The following JPH2 variants were observed in gnomAD, a reference collection of about 807,000 sequenced individuals.
JPH2 encodes the protein junctophilin-2.
JPH2 carries 38 observed loss-of-function variants against 55.9 expected under a neutral mutation model. The observed-to-expected ratio is 0.68, with a 90% CI of 0.52 to 0.89. The LOEUF is 0.89. Ranked by LOEUF, JPH2 falls within the 40% of genes least tolerant of loss-of-function variation. JPH2 has a pLI of 0.00. For synonymous variants in JPH2, 480 were observed against 472.4 expected (o/e 1.02, Z -0.21); for missense variants, 964 against 1,037.6 (o/e 0.93, Z 0.97).
intron 2 of JPH2, among the ~76,000 whole-genome samples, chr20:44,150,433 T>C (rs2072523703): frequency 6.6e-6 from 1 of 152,222 alleles, no homozygotes; most frequent in Non-Finnish European, 1.5e-5. Flanking sequence ...ATTGGAAGAC[T>C]TAAAATTGTT....
intron 2 of JPH2, among the ~76,000 whole-genome samples, chr20:44,148,212 T>G (rs749396401): frequency 6.6e-6 from 1 of 152,172 alleles, no homozygotes; most frequent in Non-Finnish European, 1.5e-5. Context: ...CCTCTCTATA[T>G]GCCTAAGTTA....
intron 2 of JPH2, among the ~76,000 whole-genome samples, chr20:44,148,890 C>T (rs946538489): frequency 7.2e-5 from 11 of 152,024 alleles, no homozygotes; most frequent in East Asian, 1.9e-4. Context: ...GGTGAAACCC[C>T]GTCTCTACTA....
chr20:44,177,869 G>C, intron 1 of JPH2: 1 of 1,611,106 alleles, frequency 6.2e-7, no homozygotes, highest in Non-Finnish European at 8.5e-7. Flanking sequence ...GGAAATACGG[G>C]AATATATATT....
chr20:44,186,871 C>G lies in JPH2; in HGVS notation c.-166G>C. 1 of 695,744 alleles carries G rather than the reference C, an allele frequency of 1.4e-6. No homozygotes were observed. The highest frequency in any genetic ancestry group is 1.9e-5 in the South Asian group (1 of 53,524). The allele number at this position is 695,744 out of a possible 1,614,324, so 43.1% of individuals were successfully genotyped here. ...CCAGCAGAGGCTGAAAGAGCCCCGG[C>G]GCCAAGTCAGCACCGGGTCGGCTAG... is the stretch of plus-strand genomic sequence containing the variant. On this transcript the variant is annotated 5_prime_UTR_variant, in exon 1 of 6. Coordinates refer to ENST00000372980, the MANE Select transcript of JPH2 (RefSeq NM_020433.5).
intron 2 of JPH2, among the ~76,000 whole-genome samples, chr20:44,156,035 CAA>C (rs753733872): frequency 4.0e-5 from 5 of 124,266 alleles, no homozygotes; most frequent in Admixed American, 8.1e-5. Context: ...GACCCTGCCT[CAA>C]AAAAAAAAAA....
intron 5 of JPH2, 49 bp downstream of exon 5, chr20:44,114,733 C>CCA: frequency 7.1e-7 from 1 of 1,408,968 alleles, no homozygotes; most frequent in Non-Finnish European, 9.9e-7. Context: ...GCTCAAAACT[C>CCA]CCCAGGGGCT....
chr20:44,145,528 C>T (rs1407604043), intron 2 of JPH2, among the ~76,000 whole-genome samples: 1 of 150,644 alleles, frequency 6.6e-6, no homozygotes, highest in Non-Finnish European at 1.5e-5. Context: ...CGCTTGAACG[C>T]GGGAGGAGGA....
intron 2 of JPH2, among the ~76,000 whole-genome samples, chr20:44,148,298 C>T (rs1600851182): frequency 1.3e-5 from 2 of 152,208 alleles, no homozygotes; most frequent in South Asian, 4.1e-4. Flanking sequence ...CATCCAATAG[C>T]GTTGGCCATT....
Position 44,160,434 on chromosome 20 carries a change from T to C in JPH2, c.380-27A>G. The C allele has an allele frequency of 6.2e-7, 1 of 1,603,448 alleles. No individual in the cohort carries two copies. Among genetic ancestry groups the C allele is most frequent in the Non-Finnish European group, 8.5e-7 (1 of 1,176,326 alleles). ...TGCGGGCGAGGAGAGGGCGCGTCAG[T>C]AGGCGGCACGACGGGTCCCCGCGTG... On this transcript the variant is annotated intron_variant, in intron 1 of 5. Coordinates refer to ENST00000372980, the MANE Select transcript of JPH2 (RefSeq NM_020433.5). This position sits in a 1 kb window ranked among gnomAD's most constrained non-coding sequence, Gnocchi z 4.9.
intron 2 of JPH2, among the ~76,000 whole-genome samples, chr20:44,133,607 G>A (rs571746902): frequency 2.0e-5 from 3 of 151,966 alleles, no homozygotes; most frequent in African/African-American, 4.8e-5. Context: ...CCCAGCAAGA[G>A]GCCAGAGAGG....
chr20:44,134,279 T>C (rs866685367), intron 2 of JPH2, among the ~76,000 whole-genome samples: 12 of 1,882 alleles, frequency 6.4e-3, no homozygotes, highest in East Asian at 0.021. Flanking sequence ...TATATATACA[T>C]ATAAATATTT....
At position 44,114,869 on chromosome 20, in the gene JPH2, T is replaced by C. The variant is rs781780252; in HGVS notation, c.2018A>G (p.Asn673Ser). ...GATCACCATGCAGATGAGGATGGTG[T>C]TGGGGACCTGGGAGCAGTGGAGAGA... ...EAEVEVEEVP[N>S]TILICMVILL... is the part of the protein sequence containing the mutation. Residue 673 changes from asparagine (N) to serine (S), a missense_variant, in exon 5 of 6, where the codon AAC becomes AGC. Asn to Ser is a conservative substitution (Grantham distance 46). Coordinates refer to ENST00000372980, the MANE Select transcript of JPH2 (RefSeq NM_020433.5). 2.5e-6 allele frequency: 4 copies of C among 1,602,460 alleles called. No individual in the cohort carries two copies. Among genetic ancestry groups the C allele is most frequent in the South Asian group, 2.3e-5 (2 of 88,174 alleles).
chr20:44,115,584 T>G, intron 4 of JPH2, 81 bp downstream of exon 4: 2 of 1,574,780 alleles, frequency 1.3e-6, no homozygotes, highest in Non-Finnish European at 1.7e-6. Flanking sequence ...AACCCCCAAA[T>G]CCCCTGCCCC....
intron 5 of JPH2, 36 bp downstream of exon 5, chr20:44,114,746 T>C: frequency 6.7e-7 from 1 of 1,493,704 alleles, no homozygotes; most frequent in Non-Finnish European, 9.2e-7. Flanking sequence ...CAGGGGCTCC[T>C]GCCCCCCAAC....
intron 2 of JPH2, among the ~76,000 whole-genome samples, chr20:44,146,124 C>T (rs1013898426): frequency 7.2e-5 from 11 of 151,808 alleles, no homozygotes; most frequent in Admixed American, 6.6e-4. Context: ...AGCTCCGCCT[C>T]CCGGGTTCAC....
Position 44,138,002 on chromosome 20 carries a change from A to G in JPH2, c.1170-19379T>C, listed in dbSNP as rs1181818346. Among the ~76,000 whole-genome samples the G allele has an allele frequency of 2.0e-5, 3 of 151,964 alleles. No individual in the cohort carries two copies. The South Asian group carries it at 6.3e-4, about 32-fold the overall frequency. On this transcript the variant is annotated intron_variant, in intron 2 of 5. Transcript: ENST00000372980. ...CATCTGTAAAAAGAGAAAAAATTTA[A>G]AAAGACCTTTTTTTTTTTTTTTTGA... is the stretch of plus-strand genomic sequence containing the variant.
intron 2 of JPH2, among the ~76,000 whole-genome samples, chr20:44,127,900 C>T (rs79570367): frequency 0.026 from 3,932 of 152,270 alleles, 49 homozygotes; most frequent in Non-Finnish European, 0.036. Flanking sequence ...ATGTGCTTCA[C>T]GGCTGCTTGT....
intron 1 of JPH2, among the ~76,000 whole-genome samples, chr20:44,182,768 C>G (rs1394595448): frequency 2.6e-5 from 4 of 152,162 alleles, no homozygotes; most frequent in Admixed American, 2.6e-4. Context: ...TGTTTGTTTT[C>G]TAGTTTATGT....
chr20:44,186,780 C>T lies in JPH2; in HGVS notation c.-75G>A. 2 of 1,435,744 alleles carry T rather than the reference C, an allele frequency of 1.4e-6. No individual in the cohort carries two copies. The highest frequency in any genetic ancestry group is 1.9e-6 in the Non-Finnish European group (2 of 1,033,098). 88.9% of individuals were successfully genotyped at this position (1,435,744 alleles called of 1,614,324 possible). ...GGCGTGGGTGATGCCTGCAACACTCCTCCAGTGCCCTCGGGGGCAGGCCCC... is the reference window on the plus strand; with the variant it reads ...GGCGTGGGTGATGCCTGCAACACTCTTCCAGTGCCCTCGGGGGCAGGCCCC... On this transcript the variant is annotated 5_prime_UTR_variant, in exon 1 of 6. Coordinates refer to ENST00000372980, the MANE Select transcript of JPH2 (RefSeq NM_020433.5).
Sources: gnomAD v4.1 joint callset for allele counts (sites outside exome capture counted in the v4.1 genomes callset) on GRCh38, gnomAD v4.1.1 for gene constraint, Gnocchi (gnomAD v3.1) non-coding constraint, MANE v1.5 for transcripts, NCBI Gene and HGNC (gene_info 2026-07-23, HGNC 2026-07-21) for gene names.